Variants in TTC39C observed in about 807,000 individuals in gnomAD.
The protein encoded by TTC39C is tetratricopeptide repeat protein 39C.
TTC39C carries 33 observed loss-of-function variants against 76.3 expected under a neutral mutation model. The ratio of observed to expected loss-of-function variants is 0.43; its 90% CI spans 0.33 to 0.58. The LOEUF is 0.58. Among genes scored for constraint, TTC39C ranks in the 20% least tolerant of loss-of-function variants. The probability of loss-of-function intolerance (pLI) is 0.04; values close to 1 mark genes in which losing one functional copy is unlikely to be tolerated. For missense variants in TTC39C, 595 were observed against 701.4 expected (o/e 0.85, Z 1.71); for synonymous variants, 254 against 260.6 (o/e 0.97, Z 0.24).
intron 7 of TTC39C, among the ~76,000 whole-genome samples, chr18:24,116,345 C>G (rs556743225): frequency 2.0e-5 from 3 of 152,172 alleles, no homozygotes; most frequent in African/African-American, 7.2e-5. Context: ...GACTTCGAGA[C>G]CAGCCAGGTC....
chr18:24,066,183 T>G, intron 3 of TTC39C, 43 bp downstream of exon 3: 1 of 1,550,058 alleles, frequency 6.5e-7, no homozygotes, highest in Non-Finnish European at 8.6e-7. Flanking sequence ...TGCCACTTAT[T>G]TAGAATATCA....
chr18:24,088,868 C>G (rs2145772526), intron 6 of TTC39C, among the ~76,000 whole-genome samples: 1 of 149,544 alleles, frequency 6.7e-6, no homozygotes, highest in South Asian at 2.1e-4. Flanking sequence ...ACACTTCTAT[C>G]CCCGGCGTGC....
At chr18:24,051,109 C>T (rs34901693) in intron 1 of TTC39C, among the ~76,000 whole-genome samples, 18,285 of 152,036 alleles carry the variant, frequency 0.12, 1,349 homozygotes, top group South Asian at 0.18. Flanking sequence ...TAATGATCTA[C>T]CTGTAGATAA....
At chr18:24,044,317 A>G (rs1320817334) in intron 1 of TTC39C, among the ~76,000 whole-genome samples, 1 of 152,162 alleles carries the variant, frequency 6.6e-6, no homozygotes, top group Non-Finnish European at 1.5e-5. Flanking sequence ...GCTGACCTGG[A>G]CCAGAGAACC....
intron 1 of TTC39C, among the ~76,000 whole-genome samples, chr18:24,049,689 A>G (rs1361278428): frequency 6.6e-6 from 1 of 152,184 alleles, no homozygotes; most frequent in African/African-American, 2.4e-5. Context: ...CCGAGCAGGA[A>G]CCATTGAGGA....
intron 7 of TTC39C, among the ~76,000 whole-genome samples, chr18:24,117,072 C>T (rs1348763877): frequency 6.6e-6 from 1 of 151,940 alleles, no homozygotes; most frequent in Non-Finnish European, 1.5e-5. Flanking sequence ...CCCACCTCAG[C>T]CTCCCAGAGT....
intron 1 of TTC39C, among the ~76,000 whole-genome samples, chr18:24,017,897 A>C (rs1012300960): frequency 6.6e-6 from 1 of 152,212 alleles, no homozygotes; most frequent in Non-Finnish European, 1.5e-5. Flanking sequence ...ATTTTTTATT[A>C]AAGCAAGAAG....
intron 8 of TTC39C, among the ~76,000 whole-genome samples, chr18:24,119,497 A>G (rs1468497400): frequency 6.6e-6 from 1 of 152,180 alleles, no homozygotes; most frequent in Non-Finnish European, 1.5e-5. Context: ...ATGAACATTG[A>G]CCAATAAGGA....
chr18:24,028,217 G>C (rs1027574506), intron 1 of TTC39C, among the ~76,000 whole-genome samples: 2 of 152,220 alleles, frequency 1.3e-5, no homozygotes, highest in Non-Finnish European at 2.9e-5. Context: ...ACTTAGAAGT[G>C]TAGCCAAAGT....
chr18:24,039,301 G>A (rs2145688182), intron 1 of TTC39C, among the ~76,000 whole-genome samples: 1 of 152,336 alleles, frequency 6.6e-6, no homozygotes, highest in East Asian at 1.9e-4. Context: ...CCAGGGTACT[G>A]GGGCAGAGCC....
intron 6 of TTC39C, among the ~76,000 whole-genome samples, chr18:24,083,805 T>G (rs2084407775): frequency 6.6e-6 from 1 of 152,210 alleles, no homozygotes; most frequent in Non-Finnish European, 1.5e-5. Context: ...TTATGAGGAT[T>G]TGTAGAAAAA....
At chr18:24,024,880 T>C (rs61701023) in intron 1 of TTC39C, among the ~76,000 whole-genome samples, 8,205 of 152,288 alleles carry the variant, frequency 0.054, 588 homozygotes, top group African/African-American at 0.17. Flanking sequence ...TTGTTTTTGT[T>C]TGTTTGTTTT....
chr18:24,110,886 ACAGTGTGTC>A (rs2084800166), intron 6 of TTC39C, among the ~76,000 whole-genome samples: 1 of 152,212 alleles, frequency 6.6e-6, no homozygotes, highest in African/African-American at 2.4e-5. Context: ...TTTTTGTGAC[ACAGTGTGTC>A]CAGGTATAGT....
In TTC39C at chr18:24,043,163, G is replaced by A. The variant is rs538556293; in HGVS notation, c.168-20977G>A. Among the ~76,000 whole-genome samples the A allele has an allele frequency of 7.9e-5, 12 of 152,300 alleles. No individual in the cohort carries two copies. The East Asian group carries it at 2.3e-3, about 29-fold the overall frequency. ...TTCGTAGAAGTAGCTTGAAAATTAA[G>A]TTGAAGCAGTATATGTTGAAAGAAG... On this transcript the variant is annotated intron_variant, in intron 1 of 13. Coordinates refer to ENST00000317571, the MANE Select transcript of TTC39C (RefSeq NM_001135993.2).
intron 1 of TTC39C, among the ~76,000 whole-genome samples, chr18:24,048,984 C>A (rs1357316358): frequency 6.6e-6 from 1 of 152,140 alleles, no homozygotes; most frequent in Non-Finnish European, 1.5e-5. Flanking sequence ...GTTCTTAAGA[C>A]GCGTTGGCCA....
Position 24,134,164 on chromosome 18 carries a change from T to G in TTC39C, c.*1590T>G. On this transcript the variant is annotated 3_prime_UTR_variant, in exon 14 of 14. Coordinates refer to ENST00000317571, the MANE Select transcript of TTC39C (RefSeq NM_001135993.2). Reference sequence around the variant, plus strand: ...ATTCCGTGTGGGTTTTAGATAATAGTAAGAGAGAAGAGATTGCTCTCCTAT... The same window carrying G: ...ATTCCGTGTGGGTTTTAGATAATAGGAAGAGAGAAGAGATTGCTCTCCTAT... 1 of 153,444 alleles carries G rather than the reference T, an allele frequency of 6.5e-6. No individual in the cohort carries two copies. 9.5% of individuals were successfully genotyped at this position (153,444 alleles called of 1,614,324 possible).
At chr18:24,055,477 GTGA>G (rs1377634739) in intron 1 of TTC39C, among the ~76,000 whole-genome samples, 1 of 152,116 alleles carries the variant, frequency 6.6e-6, no homozygotes, top group Non-Finnish European at 1.5e-5. Context: ...CATTTCCCTA[GTGA>G]TTAGTGATGT....
At chr18:24,085,281 G>T (rs545769756) in intron 6 of TTC39C, among the ~76,000 whole-genome samples, 67 of 150,884 alleles carry the variant, frequency 4.4e-4, no homozygotes, top group South Asian at 3.9e-3. Flanking sequence ...TTGGACATTT[G>T]TTAGAATTCT....
At chr18:23,998,220 A>C (rs534590846) in intron 1 of TTC39C, among the ~76,000 whole-genome samples, 1 of 152,336 alleles carries the variant, frequency 6.6e-6, no homozygotes, top group East Asian at 1.9e-4. Context: ...GGACTAGCAG[A>C]TGTCAGGCTG....
Sources: allele counts gnomAD v4.1 joint callset (sites outside exome capture counted in the v4.1 genomes callset), GRCh38; gene constraint gnomAD v4.1.1; transcripts MANE v1.5; gene names NCBI Gene and HGNC (gene_info 2026-07-23, HGNC 2026-07-21).